The following SCARB1 variants were observed in gnomAD, a reference collection of about 807,000 sequenced individuals.
SCARB1 encodes the protein scavenger receptor class B member 1, also known as CD36 and LIMPII analogous 1.
In SCARB1, 30 loss-of-function variants were observed where a neutral mutation model predicts 57.2. The observed-to-expected ratio is 0.52, with a 90% CI of 0.39 to 0.71. The LOEUF is 0.71. SCARB1 is among the 30% of genes least tolerant of loss of function. The probability of loss-of-function intolerance (pLI) is 0.00; values close to 1 mark genes in which losing one functional copy is unlikely to be tolerated. For synonymous variants in SCARB1, 249 were observed against 268.3 expected (o/e 0.93, Z 0.70); for missense variants, 543 against 671.2 (o/e 0.81, Z 2.11).
At position 124,848,929 on chromosome 12, in the gene SCARB1, G is replaced by A. The variant is rs543724628; in HGVS notation, c.126+14666C>T. 1.4e-3 allele frequency among the ~76,000 whole-genome samples: 208 copies of A among 152,336 alleles called. 1 individual carries two copies. Among genetic ancestry groups the A allele is most frequent in the Non-Finnish European group, 2.1e-3 (140 of 68,024 alleles). On this transcript the variant is annotated intron_variant, in intron 1 of 12. Coordinates refer to ENST00000261693, the MANE Select transcript of SCARB1 (RefSeq NM_005505.5). ...TCCCTCTCTATGTCTGTGTCTATCC[G>A]GTTAAGATGTTGGAAACAGCCAGCC...
chr12:124,834,055 G>A (rs1951529594), intron 1 of SCARB1, among the ~76,000 whole-genome samples: 1 of 152,336 alleles, frequency 6.6e-6, no homozygotes, highest in South Asian at 2.1e-4. Context: ...GTGACACGAG[G>A]GTGTCCAGAA....
chr12:124,857,428 C>T (rs1265610256), intron 1 of SCARB1, among the ~76,000 whole-genome samples: 2 of 152,242 alleles, frequency 1.3e-5, no homozygotes, highest in Non-Finnish European at 2.9e-5. Context: ...CAGCCGGTGA[C>T]ATCCCTGGCT....
chr12:124,814,595 G>A lies in SCARB1; in HGVS notation c.427-190C>T, dbSNP rs952490860. Among the ~76,000 whole-genome samples the A allele has an allele frequency of 6.6e-6, 1 of 152,146 alleles. No individual in the cohort carries two copies. The highest frequency in any genetic ancestry group is 2.4e-5 in the African/African-American group (1 of 41,438). On this transcript the variant is annotated intron_variant, in intron 3 of 12. Transcript: ENST00000261693. This position sits in a 1 kb window ranked among gnomAD's most constrained non-coding sequence, Gnocchi z 4.7. ...TGCTCCTCCAGTGCCAAGGCCACAT[G>A]TGCTCCCGAGAACCCCTTCTCCCCC...
At chr12:124,797,708 G>C (rs1226422853) in intron 8 of SCARB1, among the ~76,000 whole-genome samples, 1 of 152,240 alleles carries the variant, frequency 6.6e-6, no homozygotes, top group East Asian at 1.9e-4. Flanking sequence ...CCGGAAGCCA[G>C]CAGAGCAAGA....
At chr12:124,846,499 T>A (rs761565769) in intron 1 of SCARB1, among the ~76,000 whole-genome samples, 4 of 151,836 alleles carry the variant, frequency 2.6e-5, no homozygotes, top group Non-Finnish European at 5.9e-5. Flanking sequence ...GCCTGTAATC[T>A]CAGCACTTTG....
At chr12:124,786,144 A>G in intron 11 of SCARB1, 1 of 1,542,884 alleles carries the variant, frequency 6.5e-7, no homozygotes. Flanking sequence ...GGCCTTCCAG[A>G]ACAGGCAGAG....
rs375459321 is a variant in SCARB1, at chr12:124,807,761, T to A, written c.1009A>T (p.Ser337Cys). The A allele has an allele frequency of 6.8e-6, 11 of 1,613,964 alleles. No individual in the cohort carries two copies. The African/African-American group carries it at 1.5e-4, about 22-fold the overall frequency. The change falls in exon 7 of 13, where the codon AGT (serine) becomes TGT (cysteine). Residue 337 changes from serine to cysteine, a missense_variant and splice_region_variant. By Grantham distance (112) the Ser-to-Cys change is moderately radical (BLOSUM62 -1). Coordinates refer to ENST00000261693, the MANE Select transcript of SCARB1 (RefSeq NM_005505.5). This position sits in a 1 kb window ranked among gnomAD's most constrained non-coding sequence, Gnocchi z 5.3. ...TCCCAGCACAGGGGACGGCACGTACTGAACCTGCAGGTGCTGACGTTCTGA... is the reference window on the plus strand; with the variant it reads ...TCCCAGCACAGGGGACGGCACGTACAGAACCTGCAGGTGCTGACGTTCTGA... ...GIQNVSTCRFSAPLFLSHPHF... is the reference protein window; with the variant it reads ...GIQNVSTCRFCAPLFLSHPHF...
intron 7 of SCARB1, among the ~76,000 whole-genome samples, chr12:124,804,663 C>G (rs1008059687): frequency 2.0e-5 from 3 of 152,238 alleles, no homozygotes; most frequent in Non-Finnish European, 2.9e-5. Flanking sequence ...GCGGGCGTCC[C>G]AGGCCCCAGC....
rs1243269107 is a variant in SCARB1 at position 124,777,879 on chromosome 12, GGAT to G, written c.*705_*707del. On this transcript the variant is annotated 3_prime_UTR_variant, in exon 13 of 13. Transcript: ENST00000261693. Reference sequence around the variant, plus strand: ...CAGAGAGTGGCCGGCTCAGTCCATAGGATGATGTCAGTTTAGGCTGGAGGAAAA... The same window carrying G: ...CAGAGAGTGGCCGGCTCAGTCCATAGGATGTCAGTTTAGGCTGGAGGAAAA... The G allele has an allele frequency of 2.6e-5, 4 of 152,378 alleles. No homozygotes were observed. The highest frequency in any genetic ancestry group is 5.9e-5 in the Non-Finnish European group (4 of 68,176). The allele number at this position is 152,378 out of a possible 1,614,324, so 9.4% of individuals were successfully genotyped here.
chr12:124,817,482 C>T lies in SCARB1; in HGVS notation c.284+68G>A, dbSNP rs78028570. On this transcript the variant is annotated intron_variant, in intron 2 of 12. Coordinates refer to ENST00000261693, the MANE Select transcript of SCARB1 (RefSeq NM_005505.5). This position sits in a 1 kb window ranked among gnomAD's most constrained non-coding sequence, Gnocchi z 4.8. Reference sequence around the variant, plus strand: ...TCAGTCAGCAGCCTCCCCATCCCGTCCACTCTGAGACCCCTCCCCTGCCCA... The same window carrying T: ...TCAGTCAGCAGCCTCCCCATCCCGTTCACTCTGAGACCCCTCCCCTGCCCA... 1.6e-3 allele frequency: 2,459 copies of T among 1,522,230 alleles called. 42 individuals are homozygous for T. In the African/African-American group the frequency reaches 0.03, roughly 19 times the overall value. The allele number at this position is 1,522,230 out of a possible 1,614,324, so 94.3% of individuals were successfully genotyped here.
intron 1 of SCARB1, among the ~76,000 whole-genome samples, chr12:124,848,607 G>A (rs578086032): frequency 9.2e-5 from 14 of 152,320 alleles, no homozygotes; most frequent in Non-Finnish European, 1.9e-4. Context: ...TTTTCTTCCC[G>A]TTTTTACAAA....
chr12:124,821,627 G>T, intron 1 of SCARB1: 1 of 771,288 alleles, frequency 1.3e-6, no homozygotes, highest in Non-Finnish European at 1.6e-6. Flanking sequence ...GACCTTCTCC[G>T]AGTCTCAGTT....
intron 1 of SCARB1, among the ~76,000 whole-genome samples, chr12:124,839,086 T>C (rs1165836790): frequency 1.3e-5 from 2 of 152,222 alleles, no homozygotes; most frequent in African/African-American, 4.8e-5. Context: ...AACTTAGCCA[T>C]TTTTAAGTGT....
chr12:124,819,769 C>T (rs1368103661), intron 1 of SCARB1, among the ~76,000 whole-genome samples: 1 of 152,258 alleles, frequency 6.6e-6, no homozygotes, highest in Non-Finnish European at 1.5e-5. Context: ...GACAGCTGAG[C>T]TGGCCAGTCA....
intron 1 of SCARB1, among the ~76,000 whole-genome samples, chr12:124,837,788 C>T (rs1401525733): frequency 1.3e-5 from 2 of 151,856 alleles, no homozygotes; most frequent in Admixed American, 1.3e-4. Flanking sequence ...CCTGTTGTCC[C>T]AGCTACTCAG....
intron 1 of SCARB1, among the ~76,000 whole-genome samples, chr12:124,845,588 C>T (rs1415758330): frequency 1.3e-5 from 2 of 150,372 alleles, no homozygotes; most frequent in African/African-American, 4.9e-5. Context: ...GCCTGTAGTC[C>T]CAGCTACTGG....
chr12:124,856,443 GGCAAATCTACCAGGA>G (rs1484486706), intron 1 of SCARB1, among the ~76,000 whole-genome samples: 1 of 152,232 alleles, frequency 6.6e-6, no homozygotes, highest in Non-Finnish European at 1.5e-5. Flanking sequence ...GACAGGGAGA[GGCAAATCTACCAGGA>G]GCAAATAAAC....
chr12:124,786,507 A>T lies in SCARB1; in HGVS notation c.1255-4T>A, dbSNP rs908650658. The T allele has an allele frequency of 1.9e-6, 3 of 1,613,928 alleles. No individual in the cohort carries two copies. The highest frequency in any genetic ancestry group is 2.5e-6 in the Non-Finnish European group (3 of 1,179,994). ...TCTCCCCCTCCATGGCCCCGCTCTG[A>T]GGAGACAGAATGACAAACACATGAG... On this transcript the variant is annotated splice_polypyrimidine_tract_variant and splice_region_variant and intron_variant, in intron 10 of 12. Transcript: ENST00000261693.
At position 124,814,133 on chromosome 12, in the gene SCARB1, G is replaced by A; in HGVS notation, c.630+69C>T. ...GCTACAAAGCAAGCTGGTGACCAGTGTCCAGGCTGTGTGAGGGGAAGACAG... is the reference window on the plus strand; with the variant it reads ...GCTACAAAGCAAGCTGGTGACCAGTATCCAGGCTGTGTGAGGGGAAGACAG... On this transcript the variant is annotated intron_variant, in intron 4 of 12. Transcript: ENST00000261693. The surrounding 1 kb of genome is among the most constrained non-coding windows in gnomAD (Gnocchi z 4.7). The A allele has an allele frequency of 6.9e-7, 1 of 1,441,714 alleles. No homozygotes were observed. Among genetic ancestry groups the A allele is most frequent in the Non-Finnish European group, 9.8e-7 (1 of 1,023,950 alleles). The allele number at this position is 1,441,714 out of a possible 1,614,324, so 89.3% of individuals were successfully genotyped here. A position where few individuals can be genotyped will look rare whatever the true frequency, so the allele number is the denominator to read the frequency against.
Sources: allele counts gnomAD v4.1 joint callset (sites outside exome capture counted in the v4.1 genomes callset), GRCh38; gene constraint gnomAD v4.1.1; non-coding constraint Gnocchi (gnomAD v3.1); transcripts MANE v1.5; gene names NCBI Gene and HGNC (gene_info 2026-07-23, HGNC 2026-07-21).